The following CAPN3 variants were observed in gnomAD, a reference collection of about 807,000 sequenced individuals.
The protein encoded by CAPN3 is calpain-3.
A neutral mutation model predicts 114.0 loss-of-function variants in CAPN3; 88 were observed. The ratio of observed to expected loss-of-function variants is 0.77; its 90% CI spans 0.65 to 0.92. The LOEUF (loss-of-function observed/expected upper bound fraction) is 0.92. Among genes scored for constraint, CAPN3 ranks in the 40% least tolerant of loss-of-function variants. CAPN3 has a pLI of 0.00. For synonymous variants in CAPN3, 386 were observed against 382.9 expected (o/e 1.01, Z -0.09); for missense variants, 1,028 against 1,069.0 (o/e 0.96, Z 0.53).
At chr15:42,378,256 G>T (rs1024575260) in intron 1 of CAPN3, among the ~76,000 whole-genome samples, 3 of 152,148 alleles carry the variant, frequency 2.0e-5, no homozygotes, top group South Asian at 2.1e-4. Flanking sequence ...ACCCCGGGGG[G>T]AGCTATCCTG....
chr15:42,403,178 C>T (rs2053923932), intron 13 of CAPN3, among the ~76,000 whole-genome samples, 176 bp downstream of exon 13: 1 of 152,214 alleles, frequency 6.6e-6, no homozygotes, highest in South Asian at 2.1e-4. Flanking sequence ...TTATTGAGCA[C>T]CTACTATGTT....
At position 42,411,799 on chromosome 15, in the gene CAPN3, T is replaced by G. The variant is rs756523727; in HGVS notation, c.*26T>G. ...ACCAGGCTGGCCTCATCCAAAGCCA[T>G]GCAGGATCACTCAGGATTTCAGTTT... On this transcript the variant is annotated 3_prime_UTR_variant, in exon 24 of 24. Transcript: ENST00000397163. 6 of 1,611,108 alleles carry G rather than the reference T, an allele frequency of 3.7e-6. No individual in the cohort carries two copies. The highest frequency in any genetic ancestry group is 1.7e-5 in the Admixed American group (1 of 59,552).
Position 42,389,076 on chromosome 15 carries a change from C to A in CAPN3, c.781C>A (p.Leu261Ile). 6.2e-7 allele frequency: 1 copy of A among 1,614,094 alleles called. No individual in the cohort carries two copies. The highest frequency in any genetic ancestry group is 8.5e-7 in the Non-Finnish European group (1 of 1,180,012). The change falls in exon 5 of 24, where the codon CTC becomes ATC. Residue 261 changes from leucine to isoleucine, a missense_variant. Transcript: ENST00000397163. Reference protein sequence around the residue: ...IMKKAIERGSLMGCSIDDGTN... With the variant: ...IMKKAIERGSIMGCSIDDGTN... ...GAAGAAAGCCATCGAGAGAGGCTCC[C>A]TCATGGGCTGCTCCATTGATGTAAG... is the stretch of plus-strand genomic sequence containing the variant.
intron 9 of CAPN3, 55 bp downstream of exon 9, chr15:42,396,932 A>C: frequency 7.7e-7 from 1 of 1,292,944 alleles, no homozygotes; most frequent in Non-Finnish European, 1.1e-6. Flanking sequence ...AGAGAGGGGA[A>C]ATCTCAGACC....
rs773634960 is a variant in CAPN3, at chr15:42,408,209, A to T, written c.1801-2A>T. ...TTCCTGCCTCCTCCCTCCTCTCTCC[A>T]GCCCATCATCTTCGTTTCGGACAGA... On this transcript the variant is annotated splice_acceptor_variant, in intron 15 of 23. Transcript: ENST00000397163. LOFTEE classifies it high-confidence loss of function. 1 of 1,608,054 alleles carries T rather than the reference A, an allele frequency of 6.2e-7. No individual in the cohort carries two copies. The highest frequency in any genetic ancestry group is 1.1e-5 in the South Asian group (1 of 90,926).
Position 42,359,908 on chromosome 15 carries a change from G to C in CAPN3, c.103G>C (p.Gly35Arg), listed in dbSNP as rs747506981. 6.2e-7 allele frequency: 1 copy of C among 1,614,060 alleles called. No homozygotes were observed. Among genetic ancestry groups the C allele is most frequent in the Non-Finnish European group, 8.5e-7 (1 of 1,180,034 alleles). Residue 35 changes from glycine (G) to arginine (R), a missense_variant, in exon 1 of 24, where the codon GGG becomes CGG. Coordinates refer to ENST00000397163, the MANE Select transcript of CAPN3 (RefSeq NM_000070.3). Reference sequence around the variant, plus strand: ...GGCCCAGAGCAAGGCCACTGAGGCTGGGGGTGGAAACCCAAGTGGCATCTA... The same window carrying C: ...GGCCCAGAGCAAGGCCACTGAGGCTCGGGGTGGAAACCCAAGTGGCATCTA... Reference protein sequence around the residue: ...HPAQSKATEAGGGNPSGIYSA... With the variant: ...HPAQSKATEARGGNPSGIYSA...
At chr15:42,372,414 C>T (rs1371325265) in intron 1 of CAPN3, among the ~76,000 whole-genome samples, 1 of 152,268 alleles carries the variant, frequency 6.6e-6, no homozygotes, top group Non-Finnish European at 1.5e-5. Flanking sequence ...TACCCTTGGC[C>T]TCCCAAAGTG....
intron 14 of CAPN3, among the ~76,000 whole-genome samples, chr15:42,405,134 A>G (rs1398777238): frequency 3.3e-5 from 5 of 152,190 alleles, no homozygotes; most frequent in Non-Finnish European, 5.9e-5. Context: ...CGCAGGGATT[A>G]CAGGCCCAGG....
At chr15:42,408,743 G>A (rs2054102530) in intron 16 of CAPN3, 2 of 347,484 alleles carry the variant, frequency 5.8e-6, no homozygotes, top group Admixed American at 7.7e-5. Flanking sequence ...GCTCACGGGA[G>A]GGTGTTAGAT....
rs765633729 is a variant in CAPN3, at chr15:42,402,895, C to G, written c.1638C>G (p.Arg546=). 5 of 1,614,098 alleles carry G rather than the reference C, an allele frequency of 3.1e-6. No individual in the cohort carries two copies. The African/African-American group carries it at 6.7e-5, about 22-fold the overall frequency. ...TYINMREVSQ[R]FRLPPSEYVI... is the part of the protein sequence containing the mutation. ...TCAACATGCGGGAGGTGTCCCAGCGCTTCCGCCTGCCTCCCAGCGAGTACG... is the reference window on the plus strand; with the variant it reads ...TCAACATGCGGGAGGTGTCCCAGCGGTTCCGCCTGCCTCCCAGCGAGTACG... Residue 546 remains arginine (R), a synonymous_variant, in exon 13 of 24, where the codon CGC becomes CGG. Coordinates refer to ENST00000397163, the MANE Select transcript of CAPN3 (RefSeq NM_000070.3).
intron 1 of CAPN3, among the ~76,000 whole-genome samples, chr15:42,379,280 C>T (rs1346547616): frequency 1.3e-5 from 2 of 151,854 alleles, no homozygotes; most frequent in African/African-American, 4.8e-5. Flanking sequence ...CACTGCACTC[C>T]AGCCTGGGTG....
intron 9 of CAPN3, among the ~76,000 whole-genome samples, chr15:42,398,604 C>T (rs1036303506): frequency 4.8e-5 from 7 of 145,934 alleles, no homozygotes; most frequent in African/African-American, 1.3e-4. Context: ...CACACACACA[C>T]ACACACACAC....
In CAPN3 at chr15:42,359,813, C is replaced by A. The variant is rs754880814; in HGVS notation, c.8C>A (p.Thr3Asn). Residue 3 changes from threonine (T) to asparagine (N), a missense_variant, in exon 1 of 24, where the codon ACC becomes AAC. Thr to Asn is a moderately conservative substitution (Grantham distance 65, BLOSUM62 0). Coordinates refer to ENST00000397163, the MANE Select transcript of CAPN3 (RefSeq NM_000070.3). ...CTTCCAAAGCCACTTGCCATGCCGA[C>A]CGTCATTAGCGCATCTGTGGCTCCA... is the stretch of plus-strand genomic sequence containing the variant. MP[T>N]VISASVAPRT... The A allele has an allele frequency of 8.7e-6, 14 of 1,613,714 alleles. No individual in the cohort carries two copies.
At position 42,399,845 on chromosome 15, in the gene CAPN3, A is replaced by G. The variant is rs141622138; in HGVS notation, c.1354+193A>G. ...AGCTGGTAGCAACTTTGAAGCAGGA[A>G]ACTGTGGGAACAATGCAGATGCTGC... On this transcript the variant is annotated intron_variant, in intron 10 of 23. Transcript: ENST00000397163. Among the ~76,000 whole-genome samples the G allele has an allele frequency of 1.1e-3, 170 of 152,328 alleles. 2 individuals are homozygous for G. Among genetic ancestry groups the G allele is most frequent in the Admixed American group, 8.4e-3 (129 of 15,298 alleles).
At position 42,403,770 on chromosome 15, in the gene CAPN3, G is replaced by A. The variant is rs766266768; in HGVS notation, c.1775G>A (p.Arg592Gln). Reference protein sequence around the residue: ...EEVENTISVDRPVKKKKTKPI... With the variant: ...EEVENTISVDQPVKKKKTKPI... ...GTTGAAAATACCATCTCCGTGGATCGGCCAGTGGTGAGTGGTTTAGATCTT... is the reference window on the plus strand; with the variant it reads ...GTTGAAAATACCATCTCCGTGGATCAGCCAGTGGTGAGTGGTTTAGATCTT... Residue 592 changes from arginine to glutamine, a missense_variant, in exon 14 of 24, where the codon CGG becomes CAG. Arg to Gln is a conservative substitution (Grantham distance 43). Coordinates refer to ENST00000397163, the MANE Select transcript of CAPN3 (RefSeq NM_000070.3). 6.8e-6 allele frequency: 11 copies of A among 1,613,990 alleles called. No homozygotes were observed. The highest frequency in any genetic ancestry group is 6.7e-5 in the East Asian group (3 of 44,884).
rs1417575509 is a variant in CAPN3 at position 42,380,485 on chromosome 15, A to G, written c.310-3998A>G. ...AACCTCTGCCTCTTGAGCTCAAGCA[A>G]TCCTCCTATCTCAGCCTCCTGAGTA... On this transcript the variant is annotated intron_variant, in intron 1 of 23. Coordinates refer to ENST00000397163, the MANE Select transcript of CAPN3 (RefSeq NM_000070.3). Among the ~76,000 whole-genome samples the G allele has an allele frequency of 2.1e-5, 3 of 143,180 alleles. No homozygotes were observed. The South Asian group carries it at 6.5e-4, about 31-fold the overall frequency. The allele number at this position is 143,180 out of a possible 152,430, so 93.9% of individuals were successfully genotyped here. A position where few individuals can be genotyped will look rare whatever the true frequency, so the allele number is the denominator to read the frequency against.
Position 42,399,559 on chromosome 15 carries a change from C to G in CAPN3, c.1261C>G (p.Leu421Val). 3 of 1,613,944 alleles carry G rather than the reference C, an allele frequency of 1.9e-6. No individual in the cohort carries two copies. The highest frequency in any genetic ancestry group is 2.5e-6 in the Non-Finnish European group (3 of 1,179,826). The change falls in exon 10 of 24, where the codon CTG (leucine) becomes GTG (valine). Residue 421 changes from leucine to valine, a missense_variant. Coordinates refer to ENST00000397163, the MANE Select transcript of CAPN3 (RefSeq NM_000070.3). ...GATCTGCAACCTCACGGCCGATGCTCTGCAGTCTGACAAGCTTCAGACCTG... is the reference window on the plus strand; with the variant it reads ...GATCTGCAACCTCACGGCCGATGCTGTGCAGTCTGACAAGCTTCAGACCTG... ...LEICNLTADALQSDKLQTWTV... is the reference protein window; with the variant it reads ...LEICNLTADAVQSDKLQTWTV...
chr15:42,384,501 C>A lies in CAPN3; in HGVS notation c.328C>A (p.Arg110=), dbSNP rs121434545. ...KRPPEICENP[R]FIIDGANRTD... ...TTCACAGGAAATTTGCGAGAATCCC[C>A]GATTTATCATTGATGGAGCCAACAG... The change falls in exon 2 of 24, where the codon CGA becomes AGA. Residue 110 remains arginine (R), a synonymous_variant. Transcript: ENST00000397163. 3 of 1,613,610 alleles carry A rather than the reference C, an allele frequency of 1.9e-6. No individual in the cohort carries two copies. The African/African-American group carries it at 4.0e-5, about 22-fold the overall frequency.
At chr15:42,376,830 CAT>C (rs2053101246) in intron 1 of CAPN3, among the ~76,000 whole-genome samples, 1 of 152,202 alleles carries the variant, frequency 6.6e-6, no homozygotes, top group African/African-American at 2.4e-5. Context: ...AACCATCTCA[CAT>C]ATCTGTAAAT....
Sources: gnomAD v4.1 joint callset for allele counts (sites outside exome capture counted in the v4.1 genomes callset) on GRCh38, gnomAD v4.1.1 for gene constraint, MANE v1.5 for transcripts, NCBI Gene and HGNC (gene_info 2026-07-23, HGNC 2026-07-21) for gene names.